Variants in DENND11 observed in about 807,000 individuals in gnomAD.
The protein encoded by DENND11 is DENN domain containing 11, also known as DENN domain-containing protein 11.
A neutral mutation model predicts 49.2 loss-of-function variants in DENND11; 34 were observed. That is an observed-to-expected ratio of 0.69 (90% confidence interval 0.53 to 0.92). DENND11 has a LOEUF of 0.92. Among genes scored for constraint, DENND11 ranks in the 40% least tolerant of loss-of-function variants. DENND11 has a pLI of 0.00. For missense variants in DENND11, 475 were observed against 581.6 expected (o/e 0.82, Z 1.88); for synonymous variants, 238 against 230.3 (o/e 1.03, Z -0.30).
chr7:141,662,707 C>T lies in DENND11; in HGVS notation c.1317G>A (p.Glu439=). Residue 439 remains glutamate, a synonymous_variant, in exon 9 of 9, where the codon GAG becomes GAA. Transcript: ENST00000536163. ...CCAGCATGACATCAATGCCATAGGC[C>T]TCCAGCAGGTCCAGGAGAAAGCTCC... ...GDRSFLLDLL[E]AYGIDVMLVI... 2 of 1,609,766 alleles carry T rather than the reference C, an allele frequency of 1.2e-6. No individual in the cohort carries two copies. Among genetic ancestry groups the T allele is most frequent in the Non-Finnish European group, 1.7e-6 (2 of 1,178,244 alleles).
intron 4 of DENND11, among the ~76,000 whole-genome samples, chr7:141,667,598 G>A (rs1562995771): frequency 6.6e-6 from 1 of 152,168 alleles, no homozygotes; most frequent in African/African-American, 2.4e-5. Context: ...CAAAGTGCCA[G>A]AAGAAAGAGC....
Position 141,676,545 on chromosome 7 carries a change from G to A in DENND11, c.528-2325C>T, listed in dbSNP as rs546210171. Among the ~76,000 whole-genome samples the A allele has an allele frequency of 2.6e-5, 4 of 152,244 alleles. No individual in the cohort carries two copies. The South Asian group carries it at 8.3e-4, about 32-fold the overall frequency. On this transcript the variant is annotated intron_variant, in intron 3 of 8. Transcript: ENST00000536163. Reference sequence around the variant, plus strand: ...ATTGCCTCAGATATTACTGACTGATGGGACAGAACAAGGCAATAATATGGA... The same window carrying A: ...ATTGCCTCAGATATTACTGACTGATAGGACAGAACAAGGCAATAATATGGA...
intron 3 of DENND11, 143 bp downstream of exon 3, chr7:141,685,335 C>T: frequency 9.8e-7 from 1 of 1,020,926 alleles, no homozygotes; most frequent in Non-Finnish European, 1.5e-6. Flanking sequence ...AAGGACACCA[C>T]CCGAGGCGTG....
chr7:141,662,866 C>A lies in DENND11; in HGVS notation c.1173-15G>T. The A allele has an allele frequency of 1.3e-6, 2 of 1,519,196 alleles. No individual in the cohort carries two copies. Among genetic ancestry groups the A allele is most frequent in the South Asian group, 1.3e-5 (1 of 77,946 alleles). 94.1% of individuals were successfully genotyped at this position (1,519,196 alleles called of 1,614,324 possible). On this transcript the variant is annotated splice_polypyrimidine_tract_variant and intron_variant, in intron 8 of 8. Transcript: ENST00000536163. ...CTAGGAAAAACCTGCATTTGGAAGACAAGACACAGGAAAGGAAGCGGGGGG... is the reference window on the plus strand; with the variant it reads ...CTAGGAAAAACCTGCATTTGGAAGAAAAGACACAGGAAAGGAAGCGGGGGG...
At chr7:141,693,731 A>G (rs1039827582) in intron 1 of DENND11, among the ~76,000 whole-genome samples, 4 of 152,232 alleles carry the variant, frequency 2.6e-5, no homozygotes, top group Admixed American at 2.0e-4. Flanking sequence ...TAAATAAGAG[A>G]AGCCAGCCTG....
intron 1 of DENND11, among the ~76,000 whole-genome samples, chr7:141,697,876 G>C (rs1005193367): frequency 6.6e-6 from 1 of 152,168 alleles, no homozygotes; most frequent in African/African-American, 2.4e-5. Flanking sequence ...AATTAAATAG[G>C]TGTTTAGATG....
At chr7:141,679,483 C>T (rs567214621) in intron 3 of DENND11, among the ~76,000 whole-genome samples, 32 of 152,168 alleles carry the variant, frequency 2.1e-4, no homozygotes, top group African/African-American at 7.5e-4. Context: ...GAGGCTGAGG[C>T]GGGTAGATCA....
rs545427351 is a variant in DENND11, at chr7:141,666,757, C to T, written c.682-332G>A. On this transcript the variant is annotated intron_variant, in intron 4 of 8. Coordinates refer to ENST00000536163, the MANE Select transcript of DENND11 (RefSeq NM_001080392.2). ...TCTGCTTCAATAAGAAAACTCAACT[C>T]GAAAACATTACTAAGCACTGTTAAG... 1.3e-4 allele frequency among the ~76,000 whole-genome samples: 20 copies of T among 152,280 alleles called. 1 individual carries two copies. Among genetic ancestry groups the T allele is most frequent in the African/African-American group, 4.1e-4 (17 of 41,570 alleles).
intron 4 of DENND11, among the ~76,000 whole-genome samples, chr7:141,670,957 G>A (rs1051305595): frequency 6.6e-6 from 1 of 152,278 alleles, no homozygotes; most frequent in Non-Finnish European, 1.5e-5. Context: ...CCAAGGCCCT[G>A]CAAATACCAA....
rs116334670 is a variant in DENND11 at position 141,672,618 on chromosome 7, A to T, written c.681+1449T>A. 4.0e-3 allele frequency among the ~76,000 whole-genome samples: 605 copies of T among 152,320 alleles called. 4 individuals carry two copies. The highest frequency in any genetic ancestry group is 0.014 in the African/African-American group (562 of 41,548). ...CAGATGAGCCCCTAACCCTGGCTGA[A>T]ACCATCTCATGAGAGATTGTGACAT... On this transcript the variant is annotated intron_variant, in intron 4 of 8. Coordinates refer to ENST00000536163, the MANE Select transcript of DENND11 (RefSeq NM_001080392.2).
intron 3 of DENND11, 22 bp downstream of exon 3, chr7:141,685,456 C>A (rs747312492): frequency 1.2e-6 from 2 of 1,612,574 alleles, no homozygotes; most frequent in Non-Finnish European, 1.7e-6. Context: ...TGCCTCCCTG[C>A]ACATGTACGG....
chr7:141,698,547 C>T (rs1798450918), intron 1 of DENND11, among the ~76,000 whole-genome samples: 3 of 152,154 alleles, frequency 2.0e-5, no homozygotes, highest in Admixed American at 2.0e-4. Flanking sequence ...CTTAAGTCAC[C>T]TGTAGACTCA....
intron 3 of DENND11, among the ~76,000 whole-genome samples, chr7:141,680,552 T>C (rs1798134132): frequency 6.6e-6 from 1 of 151,882 alleles, no homozygotes; most frequent in Non-Finnish European, 1.5e-5. Flanking sequence ...AAAGGCCACA[T>C]TTCCCAGATT....
chr7:141,693,925 C>A (rs1245035270), intron 1 of DENND11, among the ~76,000 whole-genome samples: 1 of 152,094 alleles, frequency 6.6e-6, no homozygotes. Context: ...TGTTTCAAAA[C>A]CCATTGAACT....
chr7:141,701,768 G>C, intron 1 of DENND11, 118 bp downstream of exon 1: 8 of 874,194 alleles, frequency 9.2e-6, no homozygotes, highest in Non-Finnish European at 1.2e-5. Context: ...GGCCGGCCCT[G>C]GTGCGGGGTG....
At chr7:141,686,818 AG>A (rs1246543155) in intron 1 of DENND11, among the ~76,000 whole-genome samples, 160 bp from the exon 2 acceptor site, 1 of 152,154 alleles carries the variant, frequency 6.6e-6, no homozygotes, top group African/African-American at 2.4e-5. Flanking sequence ...CATCACTGGC[AG>A]GGGTGACGCC....
At position 141,701,867 on chromosome 7, in the gene DENND11, GC is replaced by G. The variant is rs1424444448; in HGVS notation, c.268+18del. ...CACCCCGACCCTCCCCACGCGCCTG[GC>G]CCCGGCGCGGCCCTCACCCGAGCGG... On this transcript the variant is annotated intron_variant, in intron 1 of 8. Transcript: ENST00000536163. The G allele has an allele frequency of 1.7e-6, 2 of 1,182,760 alleles. No individual in the cohort carries two copies. The highest frequency in any genetic ancestry group is 3.7e-5 in the East Asian group (1 of 27,282). The allele number at this position is 1,182,760 out of a possible 1,614,324, so 73.3% of individuals were successfully genotyped here. A position where few individuals can be genotyped will look rare whatever the true frequency, so the allele number is the denominator to read the frequency against.
rs1461228732 is a variant in DENND11, at chr7:141,690,830, C to CA, written c.269-4173dup. Among the ~76,000 whole-genome samples, 2 of 152,202 alleles carry CA rather than the reference C, an allele frequency of 1.3e-5. 1 individual carries two copies. The highest frequency in any genetic ancestry group is 1.3e-4 in the Admixed American group (2 of 15,286). On this transcript the variant is annotated intron_variant, in intron 1 of 8. Coordinates refer to ENST00000536163, the MANE Select transcript of DENND11 (RefSeq NM_001080392.2). ...CACATTCCTTTATTGAAGTACTTCTCAGAGCCTTTAATATGCCACTCTGCA... is the reference window on the plus strand; with the variant it reads ...CACATTCCTTTATTGAAGTACTTCTCAAGAGCCTTTAATATGCCACTCTGCA...
chr7:141,695,021 T>A (rs990766164), intron 1 of DENND11, among the ~76,000 whole-genome samples: 18 of 152,228 alleles, frequency 1.2e-4, no homozygotes, highest in Non-Finnish European at 2.4e-4. Context: ...CCACATTTAC[T>A]AAGTATGTAT....
Sources: allele counts gnomAD v4.1 joint callset (sites outside exome capture counted in the v4.1 genomes callset), GRCh38; gene constraint gnomAD v4.1.1; transcripts MANE v1.5; gene names NCBI Gene and HGNC (gene_info 2026-07-23, HGNC 2026-07-21).